The following VAV2 variants were observed in gnomAD, a reference collection of about 807,000 sequenced individuals.
The protein encoded by VAV2 is vav guanine nucleotide exchange factor 2, also known as guanine nucleotide exchange factor VAV2.
In VAV2, 67 loss-of-function variants were observed where a neutral mutation model predicts 132.5. The ratio of observed to expected loss-of-function variants is 0.51; its 90% CI spans 0.42 to 0.62. VAV2 has a LOEUF of 0.62. VAV2 is among the 20% of genes least tolerant of loss of function. The probability of loss-of-function intolerance (pLI) is 0.00; values close to 1 mark genes in which losing one functional copy is unlikely to be tolerated. For synonymous variants in VAV2, 492 were observed against 443.5 expected (o/e 1.11, Z -1.37); for missense variants, 938 against 1,153.6 (o/e 0.81, Z 2.71).
chr9:133,809,670 AC>A (rs1028831737), intron 6 of VAV2, among the ~76,000 whole-genome samples: 3 of 151,798 alleles, frequency 2.0e-5, no homozygotes, highest in South Asian at 2.1e-4. Flanking sequence ...GCCTGAGATG[AC>A]CCCCCACCGC....
intron 2 of VAV2, among the ~76,000 whole-genome samples, chr9:133,932,933 T>C (rs972958465): frequency 6.6e-6 from 1 of 152,096 alleles, no homozygotes; most frequent in Non-Finnish European, 1.5e-5. Flanking sequence ...GTGGGTCCCC[T>C]CCCAATGCTC....
intron 2 of VAV2, among the ~76,000 whole-genome samples, chr9:133,868,403 C>T (rs373260264): frequency 3.6e-4 from 55 of 152,320 alleles, no homozygotes; most frequent in African/African-American, 1.3e-3. Flanking sequence ...CCGCCCTTCC[C>T]GGGCACCGTG....
chr9:133,915,818 TCACA>T (rs532235696), intron 2 of VAV2, among the ~76,000 whole-genome samples: 1 of 32,700 alleles, frequency 3.1e-5, no homozygotes, highest in African/African-American at 6.0e-5. Flanking sequence ...ACACATGCAC[TCACA>T]CACGCACACG....
chr9:133,956,662 C>A lies in VAV2; in HGVS notation c.205-17443G>T, dbSNP rs1214953217. Among the ~76,000 whole-genome samples the A allele has an allele frequency of 1.2e-4, 18 of 152,334 alleles. No homozygotes were observed. In the East Asian group the frequency reaches 3.5e-3, roughly 29 times the overall value. ...GTACTTTCTGGAAATTCCAGGCGAA[C>A]CAGCACCAGGCCCCTCGGCTGGTGG... On this transcript the variant is annotated intron_variant, in intron 1 of 29. Coordinates refer to ENST00000371850, the MANE Select transcript of VAV2 (RefSeq NM_001134398.2).
At chr9:133,803,041 C>T (rs1278933066) in intron 9 of VAV2, among the ~76,000 whole-genome samples, 2 of 152,180 alleles carry the variant, frequency 1.3e-5, no homozygotes, top group East Asian at 3.9e-4. Flanking sequence ...TGACCGGGGA[C>T]TCTCCCTGCA....
chr9:133,929,464 G>T (rs1382379238), intron 2 of VAV2, among the ~76,000 whole-genome samples: 5 of 152,144 alleles, frequency 3.3e-5, no homozygotes, highest in Non-Finnish European at 7.4e-5. Flanking sequence ...CGAGGTGCCT[G>T]CCCTGGCTCA....
chr9:133,822,356 T>C (rs1419062172), intron 4 of VAV2, among the ~76,000 whole-genome samples: 1 of 152,124 alleles, frequency 6.6e-6, no homozygotes, highest in Non-Finnish European at 1.5e-5. Context: ...CTGACCTCCG[T>C]CCACACCTCA....
At chr9:133,813,098 C>G (rs1564371345) in intron 4 of VAV2, among the ~76,000 whole-genome samples, 1 of 152,186 alleles carries the variant, frequency 6.6e-6, no homozygotes, top group East Asian at 1.9e-4. Context: ...ATCCAACCAC[C>G]CCCTGTTCCC....
Position 133,785,778 on chromosome 9 carries a change from G to A in VAV2, c.1530C>T (p.Ala510=), listed in dbSNP as rs1834193217. ...GGGGCTGCCGCCCTGGAACTCACAT[G>A]GCCATCTCAAACTGCTCCATCCACT... ...KRKWMEQFEM[A]MSNIKPDKAN... The change falls in exon 17 of 30, where the codon GCC becomes GCT. Residue 510 remains alanine (A), a splice_region_variant and synonymous_variant. Coordinates refer to ENST00000371850, the MANE Select transcript of VAV2 (RefSeq NM_001134398.2). The A allele has an allele frequency of 1.9e-6, 3 of 1,613,718 alleles. No individual in the cohort carries two copies. In the Middle Eastern group the frequency reaches 5.1e-4, roughly 274 times the overall value.
intron 7 of VAV2, among the ~76,000 whole-genome samples, chr9:133,808,499 T>C (rs1835239160): frequency 1.3e-5 from 2 of 151,966 alleles, no homozygotes. Flanking sequence ...TGAAGGCTGA[T>C]CCTCAGCACT....
At chr9:133,818,166 C>T (rs1234001265) in intron 4 of VAV2, among the ~76,000 whole-genome samples, 4 of 152,064 alleles carry the variant, frequency 2.6e-5, no homozygotes, top group East Asian at 3.9e-4. Flanking sequence ...AGATCGAGAC[C>T]ATCCTGTCTA....
chr9:133,904,194 C>T (rs1197075934), intron 2 of VAV2, among the ~76,000 whole-genome samples: 1 of 152,176 alleles, frequency 6.6e-6, no homozygotes, highest in African/African-American at 2.4e-5. Context: ...GCCAGGCTCT[C>T]CCCCAGAGCT....
chr9:133,938,658 T>C (rs1841015745), intron 2 of VAV2, among the ~76,000 whole-genome samples: 1 of 152,122 alleles, frequency 6.6e-6, no homozygotes, highest in Non-Finnish European at 1.5e-5. Context: ...ATAATCCATT[T>C]ACAGAGCACA....
chr9:133,926,891 G>A lies in VAV2; in HGVS notation c.321+12212C>T, dbSNP rs769855305. ...CCACCCTCCTGGCAACAGCCCCACT[G>A]TGGAGGGATGGGGAGGCCCAGCACC... On this transcript the variant is annotated intron_variant, in intron 2 of 29. Coordinates refer to ENST00000371850, the MANE Select transcript of VAV2 (RefSeq NM_001134398.2). This position sits in a 1 kb window ranked among gnomAD's most constrained non-coding sequence, Gnocchi z 4.3. 2.0e-5 allele frequency among the ~76,000 whole-genome samples: 3 copies of A among 152,198 alleles called. No individual in the cohort carries two copies. Among genetic ancestry groups the A allele is most frequent in the Non-Finnish European group, 4.4e-5 (3 of 68,032 alleles).
rs1833536642 is a variant in VAV2, at chr9:133,769,308, C to T, written c.2434+109G>A. 2.5e-6 allele frequency: 3 copies of T among 1,223,400 alleles called. No individual in the cohort carries two copies. The African/African-American group carries it at 4.6e-5, about 19-fold the overall frequency. The allele number at this position is 1,223,400 out of a possible 1,614,324, so 75.8% of individuals were successfully genotyped here. A position where few individuals can be genotyped will look rare whatever the true frequency, so the allele number is the denominator to read the frequency against. On this transcript the variant is annotated intron_variant, in intron 28 of 29. Coordinates refer to ENST00000371850, the MANE Select transcript of VAV2 (RefSeq NM_001134398.2). The surrounding 1 kb of genome is among the most constrained non-coding windows in gnomAD (Gnocchi z 8.1). Reference sequence around the variant, plus strand: ...CCACCCAGTGCCAGACTGCGGACAACTGTGGCCACGTCAGGCAGGGCTGTG... The same window carrying T: ...CCACCCAGTGCCAGACTGCGGACAATTGTGGCCACGTCAGGCAGGGCTGTG...
rs771844283 is a variant in VAV2 at position 133,783,607 on chromosome 9, C to A, written c.1635-16G>T. On this transcript the variant is annotated splice_polypyrimidine_tract_variant and intron_variant, in intron 18 of 29. Transcript: ENST00000371850. ...GAAGGTGCCCCTGCACAGGGGAGGGCAGGAGGTGAGGTCGAGGCTGGGGTC... is the reference window on the plus strand; with the variant it reads ...GAAGGTGCCCCTGCACAGGGGAGGGAAGGAGGTGAGGTCGAGGCTGGGGTC... The A allele has an allele frequency of 6.2e-7, 1 of 1,613,628 alleles. No homozygotes were observed. Among genetic ancestry groups the A allele is most frequent in the Non-Finnish European group, 8.5e-7 (1 of 1,179,754 alleles).
At position 133,783,841 on chromosome 9, in the gene VAV2, C is replaced by T. The variant is rs371700030; in HGVS notation, c.1635-250G>A. Among the ~76,000 whole-genome samples, 159 of 151,968 alleles carry T rather than the reference C, an allele frequency of 1.0e-3. 1 individual carries two copies. The highest frequency in any genetic ancestry group is 3.4e-3 in the African/African-American group (140 of 41,402). On this transcript the variant is annotated intron_variant, in intron 18 of 29. Transcript: ENST00000371850. ...CGGGCACCCAGGAACAATCACCTCCCGGCTAGATCTGAAACTCTAAGGGCT... is the reference window on the plus strand; with the variant it reads ...CGGGCACCCAGGAACAATCACCTCCTGGCTAGATCTGAAACTCTAAGGGCT...
chr9:133,991,236 C>A lies in VAV2; in HGVS notation c.204+839G>T, dbSNP rs1022879132. On this transcript the variant is annotated intron_variant, in intron 1 of 29. Coordinates refer to ENST00000371850, the MANE Select transcript of VAV2 (RefSeq NM_001134398.2). This position sits in a 1 kb window ranked among gnomAD's most constrained non-coding sequence, Gnocchi z 4.8. ...GCTCCCGGTAAGGATTCCGCGACCCCCGGAGAACAGGACGGAAGCCTCGAT... is the reference window on the plus strand; with the variant it reads ...GCTCCCGGTAAGGATTCCGCGACCCACGGAGAACAGGACGGAAGCCTCGAT... Among the ~76,000 whole-genome samples the A allele has an allele frequency of 3.3e-5, 5 of 152,192 alleles. No homozygotes were observed. Among genetic ancestry groups the A allele is most frequent in the African/African-American group, 9.7e-5 (4 of 41,438 alleles).
chr9:133,985,623 C>A (rs1235913792), intron 1 of VAV2, among the ~76,000 whole-genome samples: 1 of 152,178 alleles, frequency 6.6e-6, no homozygotes, highest in African/African-American at 2.4e-5. Flanking sequence ...TACCAAGGAA[C>A]CAGAGCTCCT....
Sources: gnomAD v4.1 joint callset for allele counts (sites outside exome capture counted in the v4.1 genomes callset) on GRCh38, gnomAD v4.1.1 for gene constraint, Gnocchi (gnomAD v3.1) non-coding constraint, MANE v1.5 for transcripts, NCBI Gene and HGNC (gene_info 2026-07-23, HGNC 2026-07-21) for gene names.